Variants in ANTXR2 observed in about 807,000 individuals in gnomAD.
ANTXR2 encodes the protein anthrax toxin receptor 2.
Under a neutral mutation model 73.7 loss-of-function variants are expected in ANTXR2, and 44 were observed. That is an observed-to-expected ratio of 0.60 (90% confidence interval 0.47 to 0.77). The LOEUF (loss-of-function observed/expected upper bound fraction) is 0.77, where lower values mean the gene tolerates loss of function less well. Ranked by LOEUF, ANTXR2 falls within the 30% of genes least tolerant of loss-of-function variation. ANTXR2 has a pLI of 0.00. For synonymous variants in ANTXR2, 217 were observed against 205.9 expected (o/e 1.05, Z -0.46); for missense variants, 604 against 592.5 (o/e 1.02, Z -0.20).
At chr4:80,051,029 G>A (rs1409862291) in intron 7 of ANTXR2, among the ~76,000 whole-genome samples, 1 of 151,552 alleles carries the variant, frequency 6.6e-6, no homozygotes, top group Non-Finnish European at 1.5e-5. Flanking sequence ...CTACACCTCA[G>A]CCAGTCAGCT....
chr4:79,907,145 T>C lies in ANTXR2; in HGVS notation c.*284A>G. 2.2e-6 allele frequency: 1 copy of C among 464,532 alleles called. No homozygotes were observed. The highest frequency in any genetic ancestry group is 3.8e-6 in the Non-Finnish European group (1 of 264,878). The allele number at this position is 464,532 out of a possible 1,614,324, so 28.8% of individuals were successfully genotyped here. A position where few individuals can be genotyped will look rare whatever the true frequency, so the allele number is the denominator to read the frequency against. ...CTTCTACACATTCAAACAAACTTTC[T>C]TGTACAAACCATAGTCTGCAGGTCA... On this transcript the variant is annotated 3_prime_UTR_variant, in exon 17 of 17. Transcript: ENST00000403729.
intron 16 of ANTXR2, among the ~76,000 whole-genome samples, chr4:79,936,356 T>G (rs1473334611): frequency 6.7e-6 from 1 of 149,832 alleles, no homozygotes; most frequent in African/African-American, 2.6e-5. Context: ...GCTACTCTCT[T>G]TCAAAACCAT....
intron 3 of ANTXR2, among the ~76,000 whole-genome samples, chr4:80,063,961 C>T (rs181774901): frequency 1.9e-3 from 284 of 152,168 alleles, no homozygotes; most frequent in Admixed American, 4.7e-3. Context: ...CTGAAAGGAA[C>T]CTTCTAGACT....
intron 12 of ANTXR2, among the ~76,000 whole-genome samples, chr4:79,992,669 T>C (rs1253007629): frequency 2.0e-5 from 3 of 151,884 alleles, no homozygotes; most frequent in Admixed American, 6.6e-5. Flanking sequence ...ATTTCCTCTA[T>C]AAAAAAAGAA....
chr4:79,944,397 T>C (rs559495686), intron 16 of ANTXR2, among the ~76,000 whole-genome samples: 2 of 134,762 alleles, frequency 1.5e-5, no homozygotes, highest in South Asian at 5.4e-4. Context: ...TTAAAAACCA[T>C]TAAATTACAA....
chr4:79,962,243 G>A (rs2109995974), intron 16 of ANTXR2, among the ~76,000 whole-genome samples: 1 of 152,068 alleles, frequency 6.6e-6, no homozygotes, highest in Admixed American at 6.6e-5. Context: ...AAGAATATAT[G>A]CATATATATA....
At chr4:79,989,488 G>A (rs747572619) in intron 12 of ANTXR2, among the ~76,000 whole-genome samples, 1 of 151,736 alleles carries the variant, frequency 6.6e-6, no homozygotes, top group South Asian at 2.1e-4. Context: ...AACTTGATCA[G>A]TAATAAAAAA....
At chr4:80,030,217 C>T (rs369957723) in intron 10 of ANTXR2, among the ~76,000 whole-genome samples, 5 of 151,820 alleles carry the variant, frequency 3.3e-5, no homozygotes, top group Admixed American at 2.0e-4. Flanking sequence ...AGAAAGAAAT[C>T]AATAATGACT....
chr4:79,951,590 AC>A (rs1478334272), intron 16 of ANTXR2, among the ~76,000 whole-genome samples: 45 of 115,906 alleles, frequency 3.9e-4, no homozygotes, highest in Non-Finnish European at 5.2e-4. Flanking sequence ...AACAACAACA[AC>A]AAAAAAAAAA....
chr4:79,981,239 T>C (rs1489814461), intron 14 of ANTXR2, among the ~76,000 whole-genome samples: 1 of 152,188 alleles, frequency 6.6e-6, no homozygotes, highest in Non-Finnish European at 1.5e-5. Context: ...TATATACAGG[T>C]TGAGTATAGT....
At chr4:80,058,954 C>T (rs572833309) in intron 3 of ANTXR2, among the ~76,000 whole-genome samples, 77 of 152,144 alleles carry the variant, frequency 5.1e-4, no homozygotes, top group African/African-American at 1.7e-3. Context: ...CTTTGTCACC[C>T]CCAAGTAGTT....
chr4:80,043,608 G>C (rs1310388519), intron 7 of ANTXR2, among the ~76,000 whole-genome samples: 1 of 151,880 alleles, frequency 6.6e-6, no homozygotes, highest in Non-Finnish European at 1.5e-5. Flanking sequence ...AATAGTTCAG[G>C]GAACACTGCT....
intron 16 of ANTXR2, among the ~76,000 whole-genome samples, chr4:79,946,302 C>T (rs141011021): frequency 3.7e-4 from 56 of 152,208 alleles, no homozygotes; most frequent in Non-Finnish European, 5.9e-5. Context: ...AACTCTAAGA[C>T]AAAGATTTGT....
At chr4:79,925,918 T>A (rs1578087988) in intron 16 of ANTXR2, among the ~76,000 whole-genome samples, 1 of 152,118 alleles carries the variant, frequency 6.6e-6, no homozygotes, top group African/African-American at 2.4e-5. Flanking sequence ...AGCATTTTTC[T>A]TTGGTTGCTT....
At chr4:80,003,582 T>G (rs72655004) in intron 12 of ANTXR2, among the ~76,000 whole-genome samples, 10,668 of 151,444 alleles carry the variant, frequency 0.07, 448 homozygotes, top group Non-Finnish European at 0.1. Context: ...TAAAATAAAA[T>G]AAAAAGAAAA....
intron 16 of ANTXR2, among the ~76,000 whole-genome samples, chr4:79,934,542 C>A (rs574317156): frequency 0.019 from 2,607 of 138,210 alleles, 43 homozygotes; most frequent in South Asian, 0.041. Context: ...ACAACAACAA[C>A]AAAAAAAAAA....
intron 11 of ANTXR2, among the ~76,000 whole-genome samples, chr4:80,013,070 G>C (rs1731675712): frequency 6.6e-6 from 1 of 152,068 alleles, no homozygotes; most frequent in Non-Finnish European, 1.5e-5. Flanking sequence ...AAAAGAGTCA[G>C]AAGACCAGTG....
intron 7 of ANTXR2, among the ~76,000 whole-genome samples, chr4:80,048,049 A>G (rs1376963602): frequency 1.3e-5 from 2 of 151,678 alleles, no homozygotes; most frequent in African/African-American, 4.8e-5. Context: ...AGAAAAATAT[A>G]AAAACATTTT....
chr4:79,996,318 T>TATGGATGGATGGATGG lies in ANTXR2; in HGVS notation c.1042-11471_1042-11456dup, dbSNP rs141810972. Among the ~76,000 whole-genome samples the TATGGATGGATGGATGG allele has an allele frequency of 3.8e-3, 573 of 148,864 alleles. 4 individuals carry two copies. Among genetic ancestry groups the TATGGATGGATGGATGG allele is most frequent in the Middle Eastern group, 0.014 (4 of 294 alleles). ...GGATGGGTAGATGGACGGATGGATATATGGATGGATGGATGGATGGATGGA... is the reference window on the plus strand; with the variant it reads ...GGATGGGTAGATGGACGGATGGATATATGGATGGATGGATGGATGGATGGATGGATGGATGGATGGA... On this transcript the variant is annotated intron_variant, in intron 12 of 16. Transcript: ENST00000403729.
Sources: allele counts gnomAD v4.1 joint callset (sites outside exome capture counted in the v4.1 genomes callset), GRCh38; gene constraint gnomAD v4.1.1; transcripts MANE v1.5; gene names NCBI Gene and HGNC (gene_info 2026-07-23, HGNC 2026-07-21).